Variants in ATP9B observed in about 807,000 individuals in gnomAD.
ATP9B encodes the protein probable phospholipid-transporting ATPase IIB.
Under a neutral mutation model 146.1 loss-of-function variants are expected in ATP9B, and 110 were observed. The ratio of observed to expected loss-of-function variants is 0.75; its 90% CI spans 0.65 to 0.88. The LOEUF is 0.88. Among genes scored for constraint, ATP9B ranks in the 40% least tolerant of loss-of-function variants. The pLI is 0.00. For missense variants in ATP9B, 1,499 were observed against 1,496.4 expected, an observed-to-expected ratio of 1.00 and a Z score of -0.03; for synonymous variants, 604 against 569.7, an observed-to-expected ratio of 1.06 and a Z score of -0.86.
At chr18:79,222,737 T>C (rs2095692378) in intron 11 of ATP9B, among the ~76,000 whole-genome samples, 1 of 152,134 alleles carries the variant, frequency 6.6e-6, no homozygotes, top group Admixed American at 6.5e-5. Context: ...CTACTCAAAG[T>C]TTGAAAATTT....
intron 1 of ATP9B, among the ~76,000 whole-genome samples, chr18:79,071,559 T>A (rs7240611): frequency 0.43 from 64,137 of 149,094 alleles, 15,479 homozygotes; most frequent in Middle Eastern, 0.66. Context: ...TTAAAAAAAA[T>A]TTTTTTTGAA....
chr18:79,127,728 G>A (rs2094310836), intron 5 of ATP9B, among the ~76,000 whole-genome samples: 1 of 152,148 alleles, frequency 6.6e-6, no homozygotes, highest in African/African-American at 2.4e-5. Context: ...ACATACCTAG[G>A]AGTGAGATTG....
intron 7 of ATP9B, among the ~76,000 whole-genome samples, chr18:79,174,583 C>G (rs200367103): frequency 7.0e-6 from 1 of 143,264 alleles, no homozygotes; most frequent in Middle Eastern, 3.5e-3. Flanking sequence ...CCTTCTCTTT[C>G]TTTGTTTTTT....
chr18:79,222,627 AG>A lies in ATP9B; in HGVS notation c.1107+8591del, dbSNP rs543141169. Among the ~76,000 whole-genome samples the A allele has an allele frequency of 3.8e-4, 58 of 152,346 alleles. 2 individuals carry two copies. In the South Asian group the frequency reaches 6.2e-3, roughly 16 times the overall value. ...TAAATCCTTCCATTTTGTTAGATAGAGGAAAATTCTGAGATTAAAAAGAATT... is the reference window on the plus strand; with the variant it reads ...TAAATCCTTCCATTTTGTTAGATAGAGAAAATTCTGAGATTAAAAAGAATT... On this transcript the variant is annotated intron_variant, in intron 11 of 29. Coordinates refer to ENST00000426216, the MANE Select transcript of ATP9B (RefSeq NM_198531.5).
At chr18:79,193,129 A>G (rs2095384298) in intron 8 of ATP9B, 54 bp from the exon 9 acceptor site, 2 of 1,300,428 alleles carry the variant, frequency 1.5e-6, no homozygotes, top group African/African-American at 1.5e-5. Flanking sequence ...GAAATTTCCA[A>G]GTAATTTTAC....
At chr18:79,355,664 C>G (rs2096947981) in intron 25 of ATP9B, among the ~76,000 whole-genome samples, 1 of 151,350 alleles carries the variant, frequency 6.6e-6, no homozygotes, top group African/African-American at 2.4e-5. Flanking sequence ...ACCGTTTGTG[C>G]CGTGGGAGTT....
intron 11 of ATP9B, among the ~76,000 whole-genome samples, chr18:79,216,669 G>A (rs2095629764): frequency 1.3e-5 from 2 of 152,176 alleles, no homozygotes; most frequent in African/African-American, 4.8e-5. Context: ...AGTTTCCGCT[G>A]TGTGGGCATT....
intron 7 of ATP9B, 21 bp downstream of exon 7, chr18:79,154,576 A>G: frequency 2.7e-6 from 4 of 1,490,574 alleles, no homozygotes; most frequent in Non-Finnish European, 3.6e-6. Context: ...ATTTAAAAAA[A>G]CTTACCTAAC....
intron 11 of ATP9B, among the ~76,000 whole-genome samples, chr18:79,251,876 C>T (rs2096027563): frequency 6.6e-6 from 1 of 152,090 alleles, no homozygotes; most frequent in African/African-American, 2.4e-5. Context: ...AAAGTTGTTC[C>T]AGATTCAGGA....
chr18:79,333,266 A>G (rs1007669483), intron 17 of ATP9B, among the ~76,000 whole-genome samples: 5 of 152,214 alleles, frequency 3.3e-5, no homozygotes, highest in Admixed American at 6.5e-5. Context: ...CTGGGCTGCA[A>G]CTGCCATCTC....
intron 1 of ATP9B, among the ~76,000 whole-genome samples, chr18:79,075,990 A>G (rs1228313597): frequency 6.6e-6 from 1 of 152,134 alleles, no homozygotes; most frequent in Admixed American, 6.5e-5. Flanking sequence ...AACTCATTGC[A>G]GTGTACTGTT....
Position 79,239,126 on chromosome 18 carries a change from C to T in ATP9B, c.1108-14255C>T, listed in dbSNP as rs527577175. Among the ~76,000 whole-genome samples, 2 of 152,234 alleles carry T rather than the reference C, an allele frequency of 1.3e-5. No homozygotes were observed. Among genetic ancestry groups the T allele is most frequent in the East Asian group, 1.9e-4 (1 of 5,164 alleles). On this transcript the variant is annotated intron_variant, in intron 11 of 29. Coordinates refer to ENST00000426216, the MANE Select transcript of ATP9B (RefSeq NM_198531.5). This position sits in a 1 kb window ranked among gnomAD's most constrained non-coding sequence, Gnocchi z 5.1. ...GGGGTCAACTGGGAAGGAAGGATGG[C>T]GTCTCAGGCAGAGAACAGATGTGCC...
At chr18:79,092,434 C>T (rs1281533566) in intron 1 of ATP9B, among the ~76,000 whole-genome samples, 1 of 152,030 alleles carries the variant, frequency 6.6e-6, no homozygotes, top group African/African-American at 2.4e-5. Flanking sequence ...TCATACAGGA[C>T]ACAAATTTAC....
At chr18:79,236,743 C>T (rs982953522) in intron 11 of ATP9B, among the ~76,000 whole-genome samples, 10 of 151,764 alleles carry the variant, frequency 6.6e-5, no homozygotes, top group Middle Eastern at 6.9e-3. Flanking sequence ...TGCCCCTTCC[C>T]CACTGTGTGC....
chr18:79,257,159 G>T (rs2096090829), intron 12 of ATP9B, among the ~76,000 whole-genome samples: 1 of 152,160 alleles, frequency 6.6e-6, no homozygotes, highest in East Asian at 1.9e-4. Flanking sequence ...AATTAGCGGG[G>T]CATGGTGGCA....
intron 2 of ATP9B, among the ~76,000 whole-genome samples, chr18:79,098,179 T>C (rs2074966576): frequency 2.6e-5 from 4 of 152,064 alleles, no homozygotes; most frequent in Admixed American, 2.6e-4. Context: ...GAAAACTGGC[T>C]AGCCATATGT....
intron 13 of ATP9B, among the ~76,000 whole-genome samples, chr18:79,287,507 TTTC>T (rs1316495186): frequency 5.9e-5 from 9 of 151,476 alleles, no homozygotes; most frequent in African/African-American, 2.2e-4. Flanking sequence ...TCTTCTCTCT[TTTC>T]TTCTTTATTA....
intron 4 of ATP9B, chr18:79,117,387 G>A (rs972514981): frequency 3.9e-5 from 6 of 152,182 alleles, no homozygotes; most frequent in African/African-American, 1.2e-4. Flanking sequence ...AATGAGTAGA[G>A]GATGAAAGGG....
intron 26 of ATP9B, chr18:79,360,552 C>G (rs2096981993): frequency 6.6e-6 from 1 of 152,216 alleles, no homozygotes; most frequent in South Asian, 2.1e-4. Flanking sequence ...AAGCTAGACT[C>G]TTATCCAGCT....
Sources: allele counts gnomAD v4.1 joint callset (sites outside exome capture counted in the v4.1 genomes callset), GRCh38; gene constraint gnomAD v4.1.1; non-coding constraint Gnocchi (gnomAD v3.1); transcripts MANE v1.5; gene names NCBI Gene and HGNC (gene_info 2026-07-23, HGNC 2026-07-21).